The following EML6 variants were observed in gnomAD, a reference collection of about 807,000 sequenced individuals.
EML6 encodes the protein echinoderm microtubule-associated protein-like 6.
A neutral mutation model predicts 240.1 loss-of-function variants in EML6; 154 were observed. The ratio of observed to expected loss-of-function variants is 0.64; its 90% CI spans 0.56 to 0.73. The LOEUF (loss-of-function observed/expected upper bound fraction) is 0.73, where lower values mean the gene tolerates loss of function less well. Ranked by LOEUF, EML6 falls within the 30% of genes least tolerant of loss-of-function variation. The pLI, the probability that EML6 is intolerant of heterozygous loss-of-function variation, is 0.00. For missense variants in EML6, 2,964 were observed against 2,474.6 expected (o/e 1.20, Z -4.20); for synonymous variants, 1,148 against 899.0 (o/e 1.28, Z -4.95).
chr2:54,952,207 A>G (rs1400925821), intron 30 of EML6, among the ~76,000 whole-genome samples: 1 of 152,104 alleles, frequency 6.6e-6, no homozygotes, highest in Non-Finnish European at 1.5e-5. Context: ...CTCCACCCCT[A>G]CTTCTGCCCA....
At chr2:54,842,322 T>G (rs570198298) in intron 7 of EML6, among the ~76,000 whole-genome samples, 1 of 152,250 alleles carries the variant, frequency 6.6e-6, no homozygotes, top group African/African-American at 2.4e-5. Context: ...TTGATAGAAC[T>G]ATTTAGTAGG....
chr2:54,834,530 A>T (rs562187159), intron 7 of EML6, among the ~76,000 whole-genome samples: 1 of 152,228 alleles, frequency 6.6e-6, no homozygotes, highest in Non-Finnish European at 1.5e-5. Context: ...TTAAACATCC[A>T]AGTGCCAGAT....
chr2:54,781,801 T>C (rs1668868392), intron 2 of EML6, among the ~76,000 whole-genome samples: 1 of 152,088 alleles, frequency 6.6e-6, no homozygotes, highest in African/African-American at 2.4e-5. Context: ...TCTCGAGTAG[T>C]TGGGACCACA....
At chr2:54,961,746 T>G (rs1676525862) in intron 35 of EML6, among the ~76,000 whole-genome samples, 1 of 150,964 alleles carries the variant, frequency 6.6e-6, no homozygotes, top group Non-Finnish European at 1.5e-5. Context: ...CTCACACCTG[T>G]AATCCCAGCA....
intron 28 of EML6, among the ~76,000 whole-genome samples, chr2:54,937,265 C>T (rs982975502): frequency 2.2e-4 from 31 of 139,694 alleles, no homozygotes; most frequent in Non-Finnish European, 3.7e-4. Flanking sequence ...GCAACAAGAG[C>T]GAAACTCTGT....
Position 54,842,480 on chromosome 2 carries a change from T to C in EML6, c.848-1567T>C, listed in dbSNP as rs151209686. Among the ~76,000 whole-genome samples the C allele has an allele frequency of 2.8e-3, 426 of 152,132 alleles. 3 individuals carry two copies. The highest frequency in any genetic ancestry group is 9.8e-3 in the African/African-American group (408 of 41,476). On this transcript the variant is annotated intron_variant, in intron 7 of 41. Coordinates refer to ENST00000356458, the MANE Select transcript of EML6 (RefSeq NM_001039753.4). The stretch of plus-strand genomic sequence containing the variant: ...AGTCTATATCTTAAGGGGAGAAAAA[T>C]TGGTCCCCAGCAAGGAAAGAATACT...
intron 28 of EML6, among the ~76,000 whole-genome samples, chr2:54,934,313 A>T (rs1192959322): frequency 6.6e-6 from 1 of 152,052 alleles, no homozygotes; most frequent in African/African-American, 2.4e-5. Flanking sequence ...TCTCATGGGA[A>T]AATTTGTATC....
At chr2:54,773,803 C>A (rs190032126) in intron 2 of EML6, among the ~76,000 whole-genome samples, 2 of 152,202 alleles carry the variant, frequency 1.3e-5, no homozygotes, top group Non-Finnish European at 2.9e-5. Context: ...ATGAAATTAG[C>A]GCTTCTCCTA....
rs1018887372 is a variant in EML6, at chr2:54,928,755, T to C, written c.4004+4T>C. ...AGGAAGTTTCCGTGGAAGAAAGGTA[T>C]GGTGTTGCCAGGTTTGCTTGCTTTT... On this transcript the variant is annotated splice_donor_region_variant and intron_variant, in intron 28 of 41. Coordinates refer to ENST00000356458, the MANE Select transcript of EML6 (RefSeq NM_001039753.4). 1.9e-6 allele frequency: 3 copies of C among 1,551,792 alleles called. No individual in the cohort carries two copies. The highest frequency in any genetic ancestry group is 2.4e-5 in the South Asian group (2 of 84,060).
intron 32 of EML6, among the ~76,000 whole-genome samples, chr2:54,954,495 C>G (rs143857425): frequency 6.6e-6 from 1 of 152,370 alleles, no homozygotes; most frequent in Non-Finnish European, 1.5e-5. Context: ...GGGTCCTTGT[C>G]TTCCGTGCTC....
At chr2:54,771,811 C>A (rs1668412806) in intron 2 of EML6, among the ~76,000 whole-genome samples, 1 of 152,190 alleles carries the variant, frequency 6.6e-6, no homozygotes, top group African/African-American at 2.4e-5. Context: ...TTTTTCTACT[C>A]TGATAGTTTC....
At chr2:54,760,600 A>G (rs1308202426) in intron 2 of EML6, among the ~76,000 whole-genome samples, 3 of 152,120 alleles carry the variant, frequency 2.0e-5, no homozygotes, top group East Asian at 3.8e-4. Context: ...TTTCCCTACC[A>G]TCTGGCCGGT....
intron 30 of EML6, 123 bp from the exon 31 acceptor site, chr2:54,952,471 A>C: frequency 1.7e-6 from 1 of 586,066 alleles, no homozygotes; most frequent in Non-Finnish European, 3.0e-6. Flanking sequence ...GGAAGTGAGA[A>C]TTTGAGGGCT....
intron 31 of EML6, 119 bp from the exon 32 acceptor site, chr2:54,953,864 G>A: frequency 1.2e-6 from 1 of 813,996 alleles, no homozygotes; most frequent in Non-Finnish European, 1.9e-6. Flanking sequence ...TCTGGCCTGG[G>A]CAACAGAGCA....
intron 26 of EML6, among the ~76,000 whole-genome samples, chr2:54,924,166 A>C (rs1028511762): frequency 6.6e-6 from 1 of 152,242 alleles, no homozygotes; most frequent in South Asian, 2.1e-4. Context: ...GGAAAAATAT[A>C]TATAACATTT....
At chr2:54,723,846 G>A in intron 1 of EML6, 69 bp downstream of exon 1, 1 of 152,752 alleles carries the variant, frequency 6.5e-6, no homozygotes, top group Non-Finnish European at 1.5e-5. Context: ...AGTGCAGGGC[G>A]CCGCCAGGGC....
At position 54,850,065 on chromosome 2, in the gene EML6, C is replaced by T. The variant is rs1235237801; in HGVS notation, c.1291C>T (p.Pro431Ser). ...SYLAVGSNDG[P>S]VDVYAVAQRY... ...CCTTGCAGTGGGATCCAATGATGGCCCAGTAGATGTCTATGCTGTTGCCCA... is the reference window on the plus strand; with the variant it reads ...CCTTGCAGTGGGATCCAATGATGGCTCAGTAGATGTCTATGCTGTTGCCCA... The change falls in exon 10 of 42, where the codon CCA (proline) becomes TCA (serine). Residue 431 changes from proline to serine, a missense_variant. Coordinates refer to ENST00000356458, the MANE Select transcript of EML6 (RefSeq NM_001039753.4). 2.6e-6 allele frequency: 4 copies of T among 1,551,834 alleles called. No individual in the cohort carries two copies. Among genetic ancestry groups the T allele is most frequent in the East Asian group, 2.4e-5 (1 of 40,930 alleles).
At chr2:54,741,997 A>C (rs1250378753) in intron 2 of EML6, among the ~76,000 whole-genome samples, 1 of 152,226 alleles carries the variant, frequency 6.6e-6, no homozygotes, top group Admixed American at 6.5e-5. Context: ...ACAAACAATA[A>C]GTACAGTGGA....
rs1304240712 is a variant in EML6, at chr2:54,967,182, T to C, written c.5597+79T>C. On this transcript the variant is annotated intron_variant, in intron 39 of 41. Coordinates refer to ENST00000356458, the MANE Select transcript of EML6 (RefSeq NM_001039753.4). Reference sequence around the variant, plus strand: ...CTCACTCAGGCTCAGCCTCCAAGTCTGTGCAGGATCTGAAGAAGCTGAGAA... The same window carrying C: ...CTCACTCAGGCTCAGCCTCCAAGTCCGTGCAGGATCTGAAGAAGCTGAGAA... 3 of 950,578 alleles carry C rather than the reference T, an allele frequency of 3.2e-6. No individual in the cohort carries two copies. The East Asian group carries it at 8.1e-5, about 26-fold the overall frequency. 58.9% of individuals were successfully genotyped at this position (950,578 alleles called of 1,614,324 possible).
Sources: allele counts gnomAD v4.1 joint callset (sites outside exome capture counted in the v4.1 genomes callset), GRCh38; gene constraint gnomAD v4.1.1; transcripts MANE v1.5; gene names NCBI Gene and HGNC (gene_info 2026-07-23, HGNC 2026-07-21).